PAFAH2: variants seen among roughly 807,000 people sequenced by gnomAD.
The protein encoded by PAFAH2 is platelet-activating factor acetylhydrolase 2, cytoplasmic.
Under a neutral mutation model 49.0 loss-of-function variants are expected in PAFAH2, and 42 were observed. The observed-to-expected ratio is 0.86, with a 90% confidence interval of 0.67 to 1.11. The LOEUF (loss-of-function observed/expected upper bound fraction) is 1.11. PAFAH2 is among the 50% of genes least tolerant of loss of function. PAFAH2 has a pLI of 0.00. For missense variants in PAFAH2, 503 were observed against 501.8 expected (o/e 1.00, Z -0.02); for synonymous variants, 184 against 181.3 (o/e 1.01, Z -0.12).
intron 8 of PAFAH2, among the ~76,000 whole-genome samples, 189 bp downstream of exon 8, chr1:25,976,493 C>A (rs2049591079): frequency 6.6e-6 from 1 of 152,094 alleles, no homozygotes. Flanking sequence ...TATCGGTTGG[C>A]TTTTTCACTA....
At chr1:25,989,681 G>A in intron 2 of PAFAH2, 80 bp from the exon 3 acceptor site, 1 of 1,214,600 alleles carries the variant, frequency 8.2e-7, no homozygotes, top group Non-Finnish European at 1.1e-6. Context: ...GCAGGTGTTT[G>A]GGGCACCAGC....
chr1:25,990,846 C>A lies in PAFAH2; in HGVS notation c.-30G>T. On this transcript the variant is annotated 5_prime_UTR_variant, in exon 2 of 11. Transcript: ENST00000374282. The stretch of plus-strand genomic sequence containing the variant: ...TCACCGGGTGAATCAAATGACTTGC[C>A]GGAGCTGAACTTGCTGGCTGGATGG... 6.3e-7 allele frequency: 1 copy of A among 1,585,634 alleles called. No homozygotes were observed. Among genetic ancestry groups the A allele is most frequent in the South Asian group, 1.1e-5 (1 of 90,278 alleles).
At chr1:25,989,317 A>G in intron 3 of PAFAH2, 131 bp downstream of exon 3, 1 of 762,064 alleles carries the variant, frequency 1.3e-6, no homozygotes, top group Non-Finnish European at 2.0e-6. Flanking sequence ...TCTCCATACC[A>G]CACTGGCTAA....
intron 1 of PAFAH2, among the ~76,000 whole-genome samples, chr1:25,994,345 G>T (rs184319054): frequency 2.6e-5 from 4 of 152,154 alleles, no homozygotes; most frequent in Admixed American, 2.6e-4. Flanking sequence ...TGCCCAGGCT[G>T]GTCTCAACCT....
chr1:25,986,957 C>A (rs958018311), intron 4 of PAFAH2, among the ~76,000 whole-genome samples: 3 of 151,972 alleles, frequency 2.0e-5, no homozygotes, highest in African/African-American at 7.2e-5. Flanking sequence ...TAAAATAGAT[C>A]TCCCTGACAG....
chr1:25,963,903 G>A (rs2049380843), intron 10 of PAFAH2, among the ~76,000 whole-genome samples: 1 of 152,174 alleles, frequency 6.6e-6, no homozygotes, highest in Non-Finnish European at 1.5e-5. Context: ...GACTATCTGA[G>A]AGGAATGTTC....
intron 4 of PAFAH2, among the ~76,000 whole-genome samples, chr1:25,984,845 C>CTTTTTTTTTTTTTTTTTTT: frequency 9.6e-6 from 1 of 104,284 alleles, no homozygotes; most frequent in Non-Finnish European, 1.8e-5. Context: ...AGAGAGATTT[C>CTTTTTTTTTTTTTTTTTTT]TTTTTTTTTT....
In PAFAH2 at chr1:25,989,602, C is replaced by A; in HGVS notation, c.91-1G>T. 1.3e-6 allele frequency: 2 copies of A among 1,563,390 alleles called. No individual in the cohort carries two copies. The highest frequency in any genetic ancestry group is 2.4e-5 in the East Asian group (1 of 42,514). On this transcript the variant is annotated splice_acceptor_variant, in intron 2 of 10. Coordinates refer to ENST00000374282, the MANE Select transcript of PAFAH2 (RefSeq NM_000437.4). LOFTEE classifies it high-confidence loss of function. ...GGTAGAAGAGTCGAAAGAAGCTCCC[C>A]TGTAGGAAAGAAGAGAGCAGCTGCT...
intron 10 of PAFAH2, among the ~76,000 whole-genome samples, chr1:25,967,163 C>G (rs1490049899): frequency 6.6e-6 from 1 of 151,688 alleles, no homozygotes; most frequent in African/African-American, 2.4e-5. Context: ...GGGGTGGTGA[C>G]AAGTGATTCA....
chr1:25,978,489 G>A (rs2049630229), intron 7 of PAFAH2, among the ~76,000 whole-genome samples: 1 of 152,194 alleles, frequency 6.6e-6, no homozygotes, highest in African/African-American at 2.4e-5. Context: ...CCATGGTACA[G>A]ACAGCTAGCC....
At chr1:25,995,697 G>C (rs1476449683) in intron 1 of PAFAH2, among the ~76,000 whole-genome samples, 2 of 152,124 alleles carry the variant, frequency 1.3e-5, no homozygotes, top group African/African-American at 4.8e-5. Flanking sequence ...CCTGCATATA[G>C]CTGGTCTCAA....
chr1:25,980,753 C>T (rs2049674756), intron 7 of PAFAH2, among the ~76,000 whole-genome samples: 2 of 151,652 alleles, frequency 1.3e-5, no homozygotes, highest in African/African-American at 4.8e-5. Context: ...TGCAGTGGCT[C>T]ACACCTGTAA....
At chr1:25,996,565 C>A (rs1020747649) in intron 1 of PAFAH2, among the ~76,000 whole-genome samples, 1 of 151,838 alleles carries the variant, frequency 6.6e-6, no homozygotes, top group African/African-American at 2.4e-5. Context: ...TGGCGTGAAC[C>A]CGGGAGGCGG....
intron 10 of PAFAH2, among the ~76,000 whole-genome samples, chr1:25,966,691 T>C (rs2049428432): frequency 6.6e-6 from 1 of 151,984 alleles, no homozygotes; most frequent in Non-Finnish European, 1.5e-5. Context: ...ATTCGGGTGA[T>C]GGGTACACTA....
At position 25,963,223 on chromosome 1, in the gene PAFAH2, A is replaced by G. The variant is rs115242484; in HGVS notation, c.1085-1140T>C. On this transcript the variant is annotated intron_variant, in intron 10 of 10. Coordinates refer to ENST00000374282, the MANE Select transcript of PAFAH2 (RefSeq NM_000437.4). Reference sequence around the variant, plus strand: ...CTGGCACGGAATAGGTCCTCAATGTATAAGTACTACATAGTCATTAATTCA... The same window carrying G: ...CTGGCACGGAATAGGTCCTCAATGTGTAAGTACTACATAGTCATTAATTCA... Among the ~76,000 whole-genome samples the G allele has an allele frequency of 3.8e-3, 576 of 152,344 alleles. 4 individuals carry two copies. The highest frequency in any genetic ancestry group is 0.013 in the African/African-American group (551 of 41,574).
chr1:25,994,040 G>A (rs1160631251), intron 1 of PAFAH2, among the ~76,000 whole-genome samples: 1 of 152,012 alleles, frequency 6.6e-6, no homozygotes, highest in Non-Finnish European at 1.5e-5. Context: ...AGTCCCTCAA[G>A]TGCTAAGCTA....
chr1:25,978,155 C>T (rs1557520623), intron 7 of PAFAH2, among the ~76,000 whole-genome samples: 2 of 152,132 alleles, frequency 1.3e-5, no homozygotes, highest in East Asian at 1.9e-4. Context: ...CCTCCCCCTT[C>T]ACTCAGTACC....
intron 2 of PAFAH2, 104 bp downstream of exon 2, chr1:25,990,623 T>A: frequency 1.1e-6 from 1 of 945,026 alleles, no homozygotes; most frequent in South Asian, 1.5e-5. Flanking sequence ...CCCGCTCTAA[T>A]TCATTTTCCC....
chr1:25,963,347 T>A (rs1430952688), intron 10 of PAFAH2, among the ~76,000 whole-genome samples: 1 of 151,980 alleles, frequency 6.6e-6, no homozygotes, highest in Non-Finnish European at 1.5e-5. Context: ...CTCACAGAGC[T>A]CATCATCTAG....
Sources: gnomAD v4.1 joint callset for allele counts (sites outside exome capture counted in the v4.1 genomes callset) on GRCh38, gnomAD v4.1.1 for gene constraint, MANE v1.5 for transcripts, NCBI Gene and HGNC (gene_info 2026-07-23, HGNC 2026-07-21) for gene names.